The following GCNT1 variants were observed in gnomAD, a reference collection of about 807,000 sequenced individuals.
GCNT1 encodes glucosaminyl (N-acetyl) transferase 1.
Under a neutral mutation model 26.2 loss-of-function variants are expected in GCNT1, and 16 were observed. The ratio of observed to expected loss-of-function variants is 0.61; its 90% CI spans 0.41 to 0.93. The LOEUF is 0.93. Ranked by LOEUF, GCNT1 falls within the 40% of genes least tolerant of loss-of-function variation. The pLI, the probability that GCNT1 is intolerant of heterozygous loss-of-function variation, is 0.00. For missense variants in GCNT1, 477 were observed against 526.7 expected, an observed-to-expected ratio of 0.91 and a Z score of 0.92; for synonymous variants, 183 against 190.8, an observed-to-expected ratio of 0.96 and a Z score of 0.34.
chr9:76,421,007 G>GA (rs1404406833), intron 1 of GCNT1, among the ~76,000 whole-genome samples: 2 of 149,076 alleles, frequency 1.3e-5, no homozygotes. Flanking sequence ...ACAAACAAAT[G>GA]AAAAATCCTC....
At chr9:76,413,653 G>GTTTTTTTTTTTTTTGTTTTTTTTTT in the GCNT1 span, among the ~76,000 whole-genome samples, 4 of 118,664 alleles carry the variant, frequency 3.4e-5, no homozygotes, top group Admixed American at 8.9e-5. Flanking sequence ...GTTTTGTTTT[G>GTTTTTTTTTTTTTTGTTTTTTTTTT]TTTTTTTTTT....
the GCNT1 span, among the ~76,000 whole-genome samples, chr9:76,405,305 A>ACG: frequency 6.6e-6 from 1 of 151,852 alleles, no homozygotes; most frequent in Non-Finnish European, 1.5e-5. Flanking sequence ...ACACACACAC[A>ACG]CACACACACA....
At chr9:76,478,186 A>G (rs1437944155) in intron 2 of GCNT1, among the ~76,000 whole-genome samples, 13 of 152,282 alleles carry the variant, frequency 8.5e-5, no homozygotes, top group South Asian at 2.1e-4. Flanking sequence ...GTATCCTTCC[A>G]TGTAGTGGAA....
At chr9:76,479,305 C>T (rs143338030) in intron 2 of GCNT1, among the ~76,000 whole-genome samples, 334 of 152,234 alleles carry the variant, frequency 2.2e-3, no homozygotes, top group Non-Finnish European at 3.1e-3. Context: ...TGAATAGTGC[C>T]GCAATAAACC....
At chr9:76,442,581 T>C (rs1823497729) in intron 1 of GCNT1, among the ~76,000 whole-genome samples, 1 of 152,102 alleles carries the variant, frequency 6.6e-6, no homozygotes, top group Non-Finnish European at 1.5e-5. Flanking sequence ...CTTGGGAGGC[T>C]GAGGCAGGAG....
chr9:76,452,577 A>G (rs1374786402), intron 1 of GCNT1, among the ~76,000 whole-genome samples: 3 of 152,120 alleles, frequency 2.0e-5, no homozygotes, highest in Non-Finnish European at 4.4e-5. Flanking sequence ...AAGCAGGTAC[A>G]TCTTACACGG....
the GCNT1 span, among the ~76,000 whole-genome samples, chr9:76,413,653 G>GTTTTTTTTTTT: frequency 1.6e-4 from 19 of 118,656 alleles, no homozygotes; most frequent in Non-Finnish European, 2.8e-4. Context: ...GTTTTGTTTT[G>GTTTTTTTTTTT]TTTTTTTTTT....
chr9:76,446,529 T>C (rs924201114), intron 1 of GCNT1, among the ~76,000 whole-genome samples: 1 of 152,226 alleles, frequency 6.6e-6, no homozygotes, highest in Non-Finnish European at 1.5e-5. Flanking sequence ...CTATCAACTT[T>C]TTAAATGCAC....
Position 76,502,254 on chromosome 9 carries a change from C to G in GCNT1, c.-128C>G, listed in dbSNP as rs538820156. 7 of 485,256 alleles carry G rather than the reference C, an allele frequency of 1.4e-5. No homozygotes were observed. The highest frequency in any genetic ancestry group is 1.2e-4 in the African/African-American group (6 of 52,028). The allele number at this position is 485,256 out of a possible 1,614,324, so 30.1% of individuals were successfully genotyped here. A position where few individuals can be genotyped will look rare whatever the true frequency, so the allele number is the denominator to read the frequency against. ...TTTATTTCAGTGCTGCTCTTCATTT[C>G]AAGATGCCGTTGCAGCTCTGATAAA... On this transcript the variant is annotated 5_prime_UTR_variant, in exon 4 of 4. Coordinates refer to ENST00000376730, the MANE Select transcript of GCNT1 (RefSeq NM_001490.5).
At chr9:76,417,043 C>T (rs763118295), upstream of GCNT1, among the ~76,000 whole-genome samples, 1 of 152,042 alleles carries the variant, frequency 6.6e-6, no homozygotes, top group Non-Finnish European at 1.5e-5. Context: ...GGTGACAGAG[C>T]CAGACTCTGT....
rs781382030 is a variant in GCNT1, at chr9:76,452,483, T to C, written c.-290+10168T>C. Among the ~76,000 whole-genome samples the C allele has an allele frequency of 5.3e-5, 8 of 152,176 alleles. 1 individual carries two copies. The highest frequency in any genetic ancestry group is 1.0e-4 in the Non-Finnish European group (7 of 68,042). On this transcript the variant is annotated intron_variant, in intron 1 of 2. Coordinates refer to the GCNT1 transcript ENST00000442371. ...TAATTTATAAAGAAAAGAGGTTTAA[T>C]TGGCTCACAGTTCTGTACGCTGCAC... is the stretch of plus-strand genomic sequence containing the variant.
the GCNT1 span, among the ~76,000 whole-genome samples, chr9:76,402,869 G>T: frequency 6.6e-6 from 1 of 152,012 alleles, no homozygotes; most frequent in African/African-American, 2.4e-5. Flanking sequence ...TAGTAGAGAC[G>T]GGGTTTCACC....
chr9:76,455,526 A>G (rs764175187), upstream of GCNT1, among the ~76,000 whole-genome samples: 21 of 152,202 alleles, frequency 1.4e-4, no homozygotes, highest in Non-Finnish European at 2.5e-4. Context: ...CCGGGAGAGG[A>G]TGTTCACTGG....
At chr9:76,396,113 G>A in the GCNT1 span, among the ~76,000 whole-genome samples, 1 of 152,106 alleles carries the variant, frequency 6.6e-6, no homozygotes. Flanking sequence ...ATCATCCCTG[G>A]GTCTTACGCC....
chr9:76,404,514 C>G, the GCNT1 span, among the ~76,000 whole-genome samples: 8 of 152,260 alleles, frequency 5.3e-5, no homozygotes, highest in African/African-American at 1.9e-4. Context: ...AAGCCCATTT[C>G]CTCTCCCCAC....
At chr9:76,441,916 A>T (rs187576744) in exon 1 of GCNT1, 47 of 152,346 alleles carry the variant, frequency 3.1e-4, no homozygotes, top group African/African-American at 1.1e-3. Context: ...TGATTTTTTA[A>T]AAACTTAATA....
In GCNT1 at chr9:76,504,548, A is replaced by G. The variant is rs144747144; in HGVS notation, c.*880A>G. 1 of 397,234 alleles carries G rather than the reference A, an allele frequency of 2.5e-6. No homozygotes were observed. The highest frequency in any genetic ancestry group is 4.6e-6 in the Non-Finnish European group (1 of 216,214). 24.6% of individuals were successfully genotyped at this position (397,234 alleles called of 1,614,324 possible). ...CTATCTGACTGCCAGTAATTAGTGC[A>G]GAAAACTAAGACAGGATGATACAGG... On this transcript the variant is annotated 3_prime_UTR_variant, in exon 4 of 4. Coordinates refer to ENST00000376730, the MANE Select transcript of GCNT1 (RefSeq NM_001490.5).
chr9:76,430,532 C>T (rs558266743), intron 1 of GCNT1, among the ~76,000 whole-genome samples: 2 of 152,020 alleles, frequency 1.3e-5, no homozygotes, highest in African/African-American at 4.8e-5. Context: ...AGGGTGCTTG[C>T]CACCATGTTC....
chr9:76,469,273 C>T (rs1824075486), intron 2 of GCNT1, among the ~76,000 whole-genome samples: 1 of 152,182 alleles, frequency 6.6e-6, no homozygotes, highest in East Asian at 1.9e-4. Context: ...CACTAAGAAT[C>T]CCTAAGCCTA....
Sources: gnomAD v4.1 joint callset for allele counts (sites outside exome capture counted in the v4.1 genomes callset) on GRCh38, gnomAD v4.1.1 for gene constraint, MANE v1.5 for transcripts, NCBI Gene and HGNC (gene_info 2026-07-23, HGNC 2026-07-21) for gene names.